The following PHACTR1 variants were observed in gnomAD, a reference collection of about 807,000 sequenced individuals.
PHACTR1 encodes the protein RPEL repeat containing 1.
A neutral mutation model predicts 69.2 loss-of-function variants in PHACTR1; 16 were observed. That is an observed-to-expected ratio of 0.23 (90% CI 0.16 to 0.35). PHACTR1 has a LOEUF of 0.35. PHACTR1 is among the 10% of genes least tolerant of loss of function. The pLI is 1.00. For synonymous variants in PHACTR1, 312 were observed against 284.5 expected (o/e 1.10, Z -0.97); for missense variants, 510 against 734.7 (o/e 0.69, Z 3.54).
intron 5 of PHACTR1, among the ~76,000 whole-genome samples, chr6:13,128,605 T>C (rs1228602218): frequency 1.3e-5 from 2 of 151,272 alleles, no homozygotes; most frequent in East Asian, 1.9e-4. Context: ...ACAAAGACAA[T>C]GAAAAAAAAT....
chr6:13,238,837 A>G (rs1383140460), intron 10 of PHACTR1, among the ~76,000 whole-genome samples: 2 of 152,216 alleles, frequency 1.3e-5, no homozygotes, highest in African/African-American at 2.4e-5. Context: ...AGGAATAACA[A>G]TAAAAGGCTC....
intron 7 of PHACTR1, among the ~76,000 whole-genome samples, chr6:13,190,023 C>CTT (rs56040224): frequency 0.19 from 23,863 of 123,524 alleles, 2,589 homozygotes; most frequent in East Asian, 0.33. Flanking sequence ...ATCTCTTCTG[C>CTT]TTTTTTTTTT....
intron 4 of PHACTR1, among the ~76,000 whole-genome samples, chr6:12,882,016 G>A (rs1783147425): frequency 6.6e-6 from 1 of 152,118 alleles, no homozygotes; most frequent in African/African-American, 2.4e-5. Flanking sequence ...ATTCAACATG[G>A]TCAAATGCTG....
intron 4 of PHACTR1, among the ~76,000 whole-genome samples, chr6:12,792,972 C>T (rs1772522812): frequency 6.6e-6 from 1 of 150,998 alleles, no homozygotes; most frequent in South Asian, 2.1e-4. Flanking sequence ...TTACATTTTG[C>T]TTGCTCCCAG....
At chr6:12,866,064 C>G (rs930705054) in intron 4 of PHACTR1, among the ~76,000 whole-genome samples, 7 of 152,146 alleles carry the variant, frequency 4.6e-5, no homozygotes, top group African/African-American at 1.7e-4. Context: ...ATTTACAACT[C>G]TTTCAATTAT....
chr6:13,057,240 A>G (rs1353471970), intron 5 of PHACTR1, among the ~76,000 whole-genome samples: 1 of 152,212 alleles, frequency 6.6e-6, no homozygotes, highest in Non-Finnish European at 1.5e-5. Flanking sequence ...GCATCAAAAT[A>G]TCACATGTAC....
chr6:13,218,828 GAAAAA>G (rs1250450820), intron 8 of PHACTR1, among the ~76,000 whole-genome samples: 12 of 149,166 alleles, frequency 8.0e-5, no homozygotes, highest in African/African-American at 2.2e-4. Flanking sequence ...AGGAGGAGGA[GAAAAA>G]GAGGAGGAGG....
intron 7 of PHACTR1, among the ~76,000 whole-genome samples, chr6:13,200,383 G>A (rs994541881): frequency 5.9e-5 from 9 of 151,690 alleles, no homozygotes; most frequent in Admixed American, 4.6e-4. Context: ...GCTAATTTTT[G>A]TATTTTTAGT....
chr6:13,278,135 G>A (rs747887660), intron 11 of PHACTR1, 133 bp from the exon 12 acceptor site: 3 of 747,510 alleles, frequency 4.0e-6, no homozygotes, highest in Non-Finnish European at 6.4e-6. Context: ...GGCAGCTGGG[G>A]GAGGGGACAG....
chr6:12,844,202 C>G (rs1355520415), intron 4 of PHACTR1, among the ~76,000 whole-genome samples: 1 of 152,008 alleles, frequency 6.6e-6, no homozygotes, highest in East Asian at 1.9e-4. Context: ...TGAGATCAGC[C>G]TGGGCAACAT....
chr6:13,078,638 A>G (rs936707640), intron 5 of PHACTR1, among the ~76,000 whole-genome samples: 2 of 152,218 alleles, frequency 1.3e-5, no homozygotes, highest in African/African-American at 4.8e-5. Flanking sequence ...GCTGTGGTCT[A>G]TCAGCAGCTC....
At chr6:13,024,067 ACT>A (rs1160576800) in intron 4 of PHACTR1, among the ~76,000 whole-genome samples, 8 of 147,756 alleles carry the variant, frequency 5.4e-5, no homozygotes, top group African/African-American at 2.1e-4. Context: ...ACAGAGTGAG[ACT>A]CTGTCTCAAA....
At chr6:12,969,711 C>T (rs1793941813) in intron 4 of PHACTR1, among the ~76,000 whole-genome samples, 1 of 152,228 alleles carries the variant, frequency 6.6e-6, no homozygotes, top group Non-Finnish European at 1.5e-5. Flanking sequence ...CCTGTAATCC[C>T]AGCACGTGGG....
intron 6 of PHACTR1, among the ~76,000 whole-genome samples, chr6:13,172,292 A>G (rs1760733058): frequency 6.6e-6 from 1 of 152,232 alleles, no homozygotes; most frequent in Admixed American, 6.5e-5. Context: ...TCTTTCAGCT[A>G]CAAACCTTGG....
chr6:12,859,987 T>TTCA (rs71552721), intron 4 of PHACTR1, among the ~76,000 whole-genome samples: 15,489 of 150,470 alleles, frequency 0.1, 865 homozygotes, highest in East Asian at 0.18. Context: ...GAAGGACATC[T>TTCA]TCATCATCAT....
chr6:12,762,942 G>A (rs907596328), intron 4 of PHACTR1, among the ~76,000 whole-genome samples: 10 of 152,138 alleles, frequency 6.6e-5, no homozygotes, highest in South Asian at 2.1e-4. Context: ...GGCTGGGTGC[G>A]ATGACTCACG....
At chr6:13,014,854 A>G (rs1462275125) in intron 4 of PHACTR1, among the ~76,000 whole-genome samples, 2 of 152,210 alleles carry the variant, frequency 1.3e-5, no homozygotes, top group African/African-American at 2.4e-5. Context: ...TCTGGGCAGG[A>G]GGAGCCCAGA....
intron 4 of PHACTR1, among the ~76,000 whole-genome samples, chr6:12,956,585 C>T (rs1396156006): frequency 6.6e-6 from 1 of 152,032 alleles, no homozygotes; most frequent in Non-Finnish European, 1.5e-5. Context: ...GTTTGCCTAG[C>T]AAAGCAAGAT....
chr6:12,723,278 C>G (rs1263324412), intron 3 of PHACTR1, among the ~76,000 whole-genome samples: 1 of 151,978 alleles, frequency 6.6e-6, no homozygotes, highest in Admixed American at 6.6e-5. Flanking sequence ...ACTTGCTACC[C>G]AGAGTGTGAT....
Sources: allele counts gnomAD v4.1 joint callset (sites outside exome capture counted in the v4.1 genomes callset), GRCh38; gene constraint gnomAD v4.1.1; transcripts MANE v1.5; gene names NCBI Gene and HGNC (gene_info 2026-07-23, HGNC 2026-07-21).